The following ABTB3 variants were observed in gnomAD, a reference collection of about 807,000 sequenced individuals.
ABTB3 encodes ankyrin repeat- and BTB/POZ domain-containing protein 3.
chr12:107,486,591 A>G, the ABTB3 span: 1 of 152,044 alleles, frequency 6.6e-6, no homozygotes, highest in Non-Finnish European at 1.5e-5. Context: ...TTAGCTTCCA[A>G]AATCAGACAA....
the ABTB3 span, among the ~76,000 whole-genome samples, chr12:107,490,960 G>A: frequency 6.6e-6 from 1 of 152,142 alleles, no homozygotes; most frequent in Non-Finnish European, 1.5e-5. Flanking sequence ...TTGTTAGCTA[G>A]GACCAAAGGG....
At chr12:107,634,994 A>G in the ABTB3 span, 1 of 265,080 alleles carries the variant, frequency 3.8e-6, no homozygotes, top group Non-Finnish European at 7.0e-6. Flanking sequence ...TCCATTCTCT[A>G]TGAACTACAA....
chr12:107,579,119 C>T, the ABTB3 span, among the ~76,000 whole-genome samples: 12 of 152,194 alleles, frequency 7.9e-5, no homozygotes, highest in Non-Finnish European at 1.8e-4. Flanking sequence ...GGAGGAACGT[C>T]TAGGGAGAAA....
chr12:107,605,854 A>T, the ABTB3 span, among the ~76,000 whole-genome samples: 1 of 152,192 alleles, frequency 6.6e-6, no homozygotes, highest in African/African-American at 2.4e-5. Flanking sequence ...TTGGGATTTC[A>T]TTGGCAAAAC....
the ABTB3 span, among the ~76,000 whole-genome samples, chr12:107,490,007 A>G: frequency 6.6e-6 from 1 of 152,190 alleles, no homozygotes; most frequent in Admixed American, 6.5e-5. Context: ...TTTAAAATAT[A>G]GTTAGAAAAA....
chr12:107,588,285 C>T, the ABTB3 span, among the ~76,000 whole-genome samples: 1 of 152,148 alleles, frequency 6.6e-6, no homozygotes, highest in African/African-American at 2.4e-5. Context: ...TTTGGGGGGA[C>T]ACATGTCAAC....
At chr12:107,452,471 G>T in the ABTB3 span, among the ~76,000 whole-genome samples, 22 of 152,028 alleles carry the variant, frequency 1.4e-4, no homozygotes, top group Admixed American at 1.2e-3. Flanking sequence ...CTCCCAAAGT[G>T]CTGGGATTAC....
At chr12:107,478,742 C>A in the ABTB3 span, among the ~76,000 whole-genome samples, 7 of 152,170 alleles carry the variant, frequency 4.6e-5, no homozygotes, top group East Asian at 1.2e-3. Flanking sequence ...TCTCATTTCA[C>A]CCCTTGGAGA....
At chr12:107,489,202 G>A in the ABTB3 span, among the ~76,000 whole-genome samples, 1 of 152,126 alleles carries the variant, frequency 6.6e-6, no homozygotes, top group Non-Finnish European at 1.5e-5. Context: ...AACGAATATA[G>A]CAATATATGT....
At chr12:107,563,334 A>G in the ABTB3 span, among the ~76,000 whole-genome samples, 1 of 152,352 alleles carries the variant, frequency 6.6e-6, no homozygotes, top group East Asian at 1.9e-4. Context: ...ACTCAAAGAA[A>G]GGTGATTGAG....
At chr12:107,597,583 C>T in the ABTB3 span, among the ~76,000 whole-genome samples, 13 of 152,208 alleles carry the variant, frequency 8.5e-5, no homozygotes, top group Non-Finnish European at 1.8e-4. Flanking sequence ...CAAAACACTA[C>T]CACAATAGCA....
At chr12:107,448,123 G>A in the ABTB3 span, among the ~76,000 whole-genome samples, 12 of 152,262 alleles carry the variant, frequency 7.9e-5, no homozygotes, top group Admixed American at 3.3e-4. Context: ...AGATGGAAGC[G>A]GGAATTAGAC....
chr12:107,602,875 C>G, the ABTB3 span, among the ~76,000 whole-genome samples: 1 of 152,306 alleles, frequency 6.6e-6, no homozygotes, highest in Non-Finnish European at 1.5e-5. Flanking sequence ...TGGAAAACAT[C>G]CTTCTAAAGT....
At chr12:107,334,397 TG>T in the ABTB3 span, among the ~76,000 whole-genome samples, 2 of 151,848 alleles carry the variant, frequency 1.3e-5, no homozygotes, top group Non-Finnish European at 2.9e-5. Flanking sequence ...ACGTTGGGTG[TG>T]GGGTGTGAGG....
the ABTB3 span, among the ~76,000 whole-genome samples, chr12:107,452,228 A>C: frequency 7.8e-5 from 5 of 64,114 alleles, no homozygotes; most frequent in Non-Finnish European, 1.5e-4. Context: ...TTTTTTTTTG[A>C]GACGGAGTCT....
chr12:107,556,687 G>A, the ABTB3 span, among the ~76,000 whole-genome samples: 8 of 152,096 alleles, frequency 5.3e-5, no homozygotes, highest in African/African-American at 1.9e-4. Context: ...TTTTGTCCCT[G>A]GCTTAGGAGC....
chr12:107,354,389 AT>A, the ABTB3 span, among the ~76,000 whole-genome samples: 1 of 151,932 alleles, frequency 6.6e-6, no homozygotes, highest in Non-Finnish European at 1.5e-5. Context: ...TACTCCCCCA[AT>A]TCCTTTTGTC....
At chr12:107,581,122 C>T in the ABTB3 span, 7 of 1,545,110 alleles carry the variant, frequency 4.5e-6, no homozygotes, top group Admixed American at 5.9e-5. Flanking sequence ...GGCCCTAACG[C>T]GCGTCTCCGG....
At chr12:107,485,736 G>T in the ABTB3 span, among the ~76,000 whole-genome samples, 1 of 151,970 alleles carries the variant, frequency 6.6e-6, no homozygotes. Context: ...TTTCTCTTTT[G>T]AAAGCAATGT....
Sources: gnomAD v4.1 joint callset for allele counts (sites outside exome capture counted in the v4.1 genomes callset) on GRCh38, gnomAD v4.1.1 for gene constraint, MANE v1.5 for transcripts, NCBI Gene and HGNC (gene_info 2026-07-23, HGNC 2026-07-21) for gene names.